SLC71A1: variants seen among roughly 807,000 people sequenced by gnomAD.
The protein encoded by SLC71A1 is solute carrier family 71 member 1.
At chr1:100,072,976 C>T in the SLC71A1 span, among the ~76,000 whole-genome samples, 1 of 152,142 alleles carries the variant, frequency 6.6e-6, no homozygotes, top group Non-Finnish European at 1.5e-5. Flanking sequence ...GGTATCTCAG[C>T]CTTAACATGG....
chr1:100,038,459 C>T, the SLC71A1 span: 10 of 710,116 alleles, frequency 1.4e-5, no homozygotes, highest in African/African-American at 8.9e-5. Flanking sequence ...CTCGGGGTCG[C>T]GGACCCGCAT....
At chr1:100,056,286 G>A in the SLC71A1 span, among the ~76,000 whole-genome samples, 1 of 152,126 alleles carries the variant, frequency 6.6e-6, no homozygotes, top group African/African-American at 2.4e-5. Context: ...TTTTGTGCCT[G>A]GCTTATTTCA....
At chr1:100,059,155 T>G in the SLC71A1 span, among the ~76,000 whole-genome samples, 25 of 131,534 alleles carry the variant, frequency 1.9e-4, no homozygotes, top group Non-Finnish European at 2.4e-4. Context: ...TTTTTTTTTT[T>G]TTTTTTTTTT....
chr1:100,049,879 T>A, the SLC71A1 span: 7 of 1,219,382 alleles, frequency 5.7e-6, no homozygotes, highest in South Asian at 2.6e-5. Flanking sequence ...TAACTTTTTT[T>A]AACTTTTTAA....
chr1:100,050,013 T>G, the SLC71A1 span: 1 of 1,427,608 alleles, frequency 7.0e-7, no homozygotes, highest in Middle Eastern at 1.8e-4. Flanking sequence ...TGGTAAGTAA[T>G]CTTTTAAATT....
At chr1:100,082,795 CATT>C in the SLC71A1 span, 48 of 152,156 alleles carry the variant, frequency 3.2e-4, 1 homozygote, top group African/African-American at 1.1e-3. Flanking sequence ...TACTTTTAAA[CATT>C]ATTCACTACT....
chr1:100,066,645 G>T, the SLC71A1 span, among the ~76,000 whole-genome samples: 1 of 152,166 alleles, frequency 6.6e-6, no homozygotes, highest in Non-Finnish European at 1.5e-5. Flanking sequence ...TCAAGGAGGG[G>T]TGTTTGTACA....
the SLC71A1 span, among the ~76,000 whole-genome samples, chr1:100,056,055 T>G: frequency 6.6e-6 from 1 of 152,120 alleles, no homozygotes; most frequent in South Asian, 2.1e-4. Flanking sequence ...CTGGCCAAAT[T>G]TTAGTTATTT....
chr1:100,059,376 T>C, the SLC71A1 span, among the ~76,000 whole-genome samples: 1 of 151,668 alleles, frequency 6.6e-6, no homozygotes, highest in African/African-American at 2.4e-5. Flanking sequence ...GCCAGGCTGG[T>C]CTCGAACTCC....
chr1:100,054,595 T>C, the SLC71A1 span, among the ~76,000 whole-genome samples: 5 of 152,172 alleles, frequency 3.3e-5, no homozygotes, highest in Admixed American at 3.3e-4. Flanking sequence ...ACAGTCCATG[T>C]TACGGAACAC....
At chr1:100,071,315 A>AAAAAAAAAAAAG in the SLC71A1 span, among the ~76,000 whole-genome samples, 1 of 136,300 alleles carries the variant, frequency 7.3e-6, no homozygotes, top group Non-Finnish European at 1.6e-5. Context: ...AAAAAAAAAA[A>AAAAAAAAAAAAG]AGAAAGAAAG....
chr1:100,067,378 G>A, the SLC71A1 span, among the ~76,000 whole-genome samples: 29 of 152,284 alleles, frequency 1.9e-4, no homozygotes, highest in Non-Finnish European at 3.7e-4. Flanking sequence ...TGAAGTAGCT[G>A]AGACTACAGG....
At chr1:100,044,310 G>A in the SLC71A1 span, among the ~76,000 whole-genome samples, 1 of 152,154 alleles carries the variant, frequency 6.6e-6, no homozygotes, top group Non-Finnish European at 1.5e-5. Flanking sequence ...GTGATGTTGA[G>A]CATCTTTTCA....
At chr1:100,043,483 C>T in the SLC71A1 span, among the ~76,000 whole-genome samples, 1 of 152,138 alleles carries the variant, frequency 6.6e-6, no homozygotes, top group Non-Finnish European at 1.5e-5. Context: ...TCGTGGGAAA[C>T]TTAATAGAAT....
At chr1:100,078,320 A>G in the SLC71A1 span, 1 of 600,656 alleles carries the variant, frequency 1.7e-6, no homozygotes, top group Non-Finnish European at 3.0e-6. Context: ...GCCCATAGTC[A>G]CCTAGTAAGC....
chr1:100,055,387 TTGTG>T, the SLC71A1 span, among the ~76,000 whole-genome samples: 1 of 151,682 alleles, frequency 6.6e-6, no homozygotes, highest in African/African-American at 2.4e-5. Flanking sequence ...AACTTTCTCT[TTGTG>T]TGTGTGTTTA....
chr1:100,065,869 A>T, the SLC71A1 span, among the ~76,000 whole-genome samples: 3 of 137,226 alleles, frequency 2.2e-5, no homozygotes, highest in African/African-American at 9.8e-5. Flanking sequence ...TTTCCTTTCC[A>T]GACAGGGTGT....
the SLC71A1 span, among the ~76,000 whole-genome samples, chr1:100,057,150 G>A: frequency 0.022 from 3,419 of 152,118 alleles, 68 homozygotes; most frequent in Non-Finnish European, 0.033. Flanking sequence ...GCTTTGCTGT[G>A]CAGCTTTAAA....
chr1:100,058,799 A>G, the SLC71A1 span: 1 of 760,040 alleles, frequency 1.3e-6, no homozygotes, highest in African/African-American at 1.8e-5. Context: ...ATGAACATAC[A>G]TAAATACATA....
Sources: gnomAD v4.1 joint callset for allele counts (sites outside exome capture counted in the v4.1 genomes callset) on GRCh38, gnomAD v4.1.1 for gene constraint, MANE v1.5 for transcripts, NCBI Gene and HGNC (gene_info 2026-07-23, HGNC 2026-07-21) for gene names.